Variants in XPO6 observed in about 807,000 individuals in gnomAD.
XPO6 encodes exportin-6.
Under a neutral mutation model 130.0 loss-of-function variants are expected in XPO6, and 3 were observed. The observed-to-expected ratio is 0.02, with a 90% CI of 0.01 to 0.06. The LOEUF is 0.06. Among genes scored for constraint, XPO6 ranks in the 10% least tolerant of loss-of-function variants. The pLI is 1.00. For synonymous variants in XPO6, 524 were observed against 548.9 expected (o/e 0.95, Z 0.63); for missense variants, 970 against 1,393.0 (o/e 0.70, Z 4.83).
At chr16:28,168,592 TTTTC>T (rs1204952297) in intron 5 of XPO6, among the ~76,000 whole-genome samples, 2 of 143,188 alleles carry the variant, frequency 1.4e-5, no homozygotes, top group Non-Finnish European at 3.1e-5. Context: ...GCCAAGTTCT[TTTTC>T]TTTTTCTTTT....
intron 6 of XPO6, among the ~76,000 whole-genome samples, chr16:28,164,686 T>A (rs1353880065): frequency 2.0e-5 from 3 of 152,226 alleles, no homozygotes; most frequent in African/African-American, 4.8e-5. Context: ...CTTAGCCGCA[T>A]AAAACCTAGG....
At chr16:28,166,335 T>A (rs2043355201) in intron 6 of XPO6, among the ~76,000 whole-genome samples, 173 bp downstream of exon 6, 2 of 152,112 alleles carry the variant, frequency 1.3e-5, no homozygotes. Flanking sequence ...ATGTAATTTT[T>A]AAAAACAGAG....
intron 6 of XPO6, among the ~76,000 whole-genome samples, chr16:28,156,860 T>C (rs1350663852): frequency 6.6e-6 from 1 of 152,162 alleles, no homozygotes; most frequent in African/African-American, 2.4e-5. Flanking sequence ...GGGATTATTC[T>C]CTGGCTGCAA....
In XPO6 at chr16:28,143,443, AT is replaced by A. The variant is rs1340838796; in HGVS notation, c.1334+2650del. ...TGCAAGAGAAGTGTTAAGTACGTCC[AT>A]TTTGCAAGAGGAAATGTGATCAGCA... On this transcript the variant is annotated intron_variant, in intron 9 of 23. Transcript: ENST00000304658. Among the ~76,000 whole-genome samples the A allele has an allele frequency of 5.3e-5, 8 of 152,326 alleles. No homozygotes were observed. In the East Asian group the frequency reaches 1.5e-3, roughly 29 times the overall value.
intron 6 of XPO6, among the ~76,000 whole-genome samples, chr16:28,163,790 C>T (rs2043314355): frequency 6.6e-6 from 1 of 152,174 alleles, no homozygotes; most frequent in Non-Finnish European, 1.5e-5. Flanking sequence ...GAAAGCAAAG[C>T]TAGGACAATG....
chr16:28,164,786 T>C (rs1444359846), intron 6 of XPO6, among the ~76,000 whole-genome samples: 1 of 152,168 alleles, frequency 6.6e-6, no homozygotes, highest in African/African-American at 2.4e-5. Context: ...CCTATCAAAG[T>C]ATAAACTGAG....
intron 15 of XPO6, among the ~76,000 whole-genome samples, chr16:28,116,288 C>T (rs759294207): frequency 1.3e-5 from 2 of 152,016 alleles, no homozygotes; most frequent in African/African-American, 2.4e-5. Context: ...GGTGAAACCC[C>T]GTCTCTACAA....
chr16:28,160,184 TAAAAAAAA>T (rs56947792), intron 6 of XPO6, among the ~76,000 whole-genome samples: 5 of 76,134 alleles, frequency 6.6e-5, no homozygotes, highest in East Asian at 3.8e-4. Flanking sequence ...GCCTCCGTCT[TAAAAAAAA>T]AAAAAAAAAA....
chr16:28,195,037 A>C (rs2043837631), intron 1 of XPO6, among the ~76,000 whole-genome samples: 1 of 149,514 alleles, frequency 6.7e-6, no homozygotes. Context: ...CCCCTTCCCC[A>C]CCCTCAGAGC....
Position 28,106,607 on chromosome 16 carries a change from T to G in XPO6, c.2498-110A>C, listed in dbSNP as rs1213274760. 6.2e-6 allele frequency: 5 copies of G among 808,102 alleles called. No individual in the cohort carries two copies. Among genetic ancestry groups the G allele is most frequent in the Non-Finnish European group, 1.0e-5 (5 of 490,938 alleles). The allele number at this position is 808,102 out of a possible 1,614,324, so 50.1% of individuals were successfully genotyped here. A position where few individuals can be genotyped will look rare whatever the true frequency, so the allele number is the denominator to read the frequency against. On this transcript the variant is annotated intron_variant, in intron 18 of 23. Coordinates refer to ENST00000304658, the MANE Select transcript of XPO6 (RefSeq NM_015171.4). This position sits in a 1 kb window ranked among gnomAD's most constrained non-coding sequence, Gnocchi z 4.2. ...CTGCACTATCAGCTTTCTCTACAGC[T>G]TCCTGCTGGAAACATTTCCCCAACA...
At chr16:28,189,919 G>T (rs2043758769) in intron 1 of XPO6, among the ~76,000 whole-genome samples, 1 of 152,160 alleles carries the variant, frequency 6.6e-6, no homozygotes, top group African/African-American at 2.4e-5. Context: ...TATTTCTTGG[G>T]TTTGCACAAA....
intron 2 of XPO6, among the ~76,000 whole-genome samples, chr16:28,178,559 A>T (rs954741687): frequency 5.3e-5 from 8 of 151,626 alleles, no homozygotes; most frequent in African/African-American, 1.9e-4. Flanking sequence ...CTGAATAGCT[A>T]GGATTATAAG....
chr16:28,117,282 G>A lies in XPO6; in HGVS notation c.2004+36C>T, dbSNP rs201541082. The A allele has an allele frequency of 5.0e-6, 8 of 1,610,586 alleles. No homozygotes were observed. The African/African-American group carries it at 1.1e-4, about 22-fold the overall frequency. On this transcript the variant is annotated intron_variant, in intron 15 of 23. Transcript: ENST00000304658. ...ATAGGAACAGAAGGAGAGACAGAGA[G>A]TTAGATAAAAGGTGTAGGCTTTGCT...
intron 1 of XPO6, among the ~76,000 whole-genome samples, chr16:28,209,915 G>A (rs1238480099): frequency 6.6e-6 from 1 of 152,062 alleles, no homozygotes; most frequent in East Asian, 1.9e-4. Context: ...GAGGAGGACG[G>A]ATCACTTGAG....
At chr16:28,116,258 A>G (rs1263770750) in intron 15 of XPO6, among the ~76,000 whole-genome samples, 1 of 152,138 alleles carries the variant, frequency 6.6e-6, no homozygotes, top group Non-Finnish European at 1.5e-5. Context: ...TCAGGAGATC[A>G]AGACCATCCT....
At chr16:28,102,563 C>G (rs553351820) in intron 21 of XPO6, among the ~76,000 whole-genome samples, 3 of 152,224 alleles carry the variant, frequency 2.0e-5, no homozygotes, top group African/African-American at 7.2e-5. Context: ...CACGGTAAAA[C>G]CCCATCTCTA....
intron 9 of XPO6, among the ~76,000 whole-genome samples, chr16:28,140,727 A>G (rs757471180): frequency 1.3e-5 from 2 of 152,118 alleles, no homozygotes; most frequent in Non-Finnish European, 2.9e-5. Context: ...AGCAGGGCTT[A>G]GAAGGAAATT....
intron 8 of XPO6, among the ~76,000 whole-genome samples, chr16:28,150,594 C>T (rs1389043092): frequency 6.6e-6 from 1 of 152,128 alleles, no homozygotes; most frequent in Non-Finnish European, 1.5e-5. Flanking sequence ...AGGCATAAGA[C>T]ATGCCTACTT....
intron 2 of XPO6, among the ~76,000 whole-genome samples, chr16:28,179,590 G>T (rs749435197): frequency 2.0e-5 from 3 of 152,112 alleles, no homozygotes; most frequent in Non-Finnish European, 4.4e-5. Flanking sequence ...TGACCACATG[G>T]TCTCGAGGTC....
Sources: allele counts gnomAD v4.1 joint callset (sites outside exome capture counted in the v4.1 genomes callset), GRCh38; gene constraint gnomAD v4.1.1; non-coding constraint Gnocchi (gnomAD v3.1); transcripts MANE v1.5; gene names NCBI Gene and HGNC (gene_info 2026-07-23, HGNC 2026-07-21).